FAM149A: variants seen among roughly 807,000 people sequenced by gnomAD.
The protein encoded by FAM149A is protein FAM149A.
In FAM149A, 71 loss-of-function variants were observed where a neutral mutation model predicts 78.2. That is an observed-to-expected ratio of 0.91 (90% CI 0.75 to 1.11). FAM149A has a LOEUF of 1.11. Ranked by LOEUF, FAM149A falls within the 50% of genes least tolerant of loss-of-function variation. The probability of loss-of-function intolerance (pLI) is 0.00; values close to 1 mark genes in which losing one functional copy is unlikely to be tolerated. For synonymous variants in FAM149A, 446 were observed against 410.5 expected (o/e 1.09, Z -1.04); for missense variants, 1,036 against 971.0 (o/e 1.07, Z -0.89).
intron 1 of FAM149A, among the ~76,000 whole-genome samples, chr4:186,126,297 G>T (rs1405717811): frequency 6.6e-6 from 1 of 152,060 alleles, no homozygotes; most frequent in African/African-American, 2.4e-5. Context: ...CACTCTCTCA[G>T]CTTCTCTACC....
intron 8 of FAM149A, among the ~76,000 whole-genome samples, chr4:186,162,018 T>C (rs1052926563): frequency 6.6e-6 from 1 of 152,244 alleles, no homozygotes; most frequent in Non-Finnish European, 1.5e-5. Context: ...GTCATCTAGG[T>C]AAATATTATT....
chr4:186,167,138 T>C, intron 12 of FAM149A, 42 bp downstream of exon 12: 1 of 1,602,164 alleles, frequency 6.2e-7, no homozygotes, highest in Non-Finnish European at 8.5e-7. Flanking sequence ...TGAAAAACAT[T>C]TGAAAAAAAT....
rs74923095 is a variant in FAM149A, at chr4:186,136,354, A to G, written c.567-12819A>G. ...TGTAAAAGTAAAAAAATTGGATATT[A>G]AAGAATGTCATTGGACCCATTTGTT... On this transcript the variant is annotated intron_variant, in intron 1 of 13. Coordinates refer to ENST00000389354, the MANE Select transcript of FAM149A (RefSeq NM_001367768.3). 6.6e-4 allele frequency among the ~76,000 whole-genome samples: 101 copies of G among 152,352 alleles called. 1 individual carries two copies. In the East Asian group the frequency reaches 0.016, roughly 24 times the overall value.
At chr4:186,122,128 T>C (rs183446450) in intron 1 of FAM149A, among the ~76,000 whole-genome samples, 2 of 152,316 alleles carry the variant, frequency 1.3e-5, no homozygotes, top group African/African-American at 4.8e-5. Context: ...GATAAAGATG[T>C]TATGAAGAAG....
intron 3 of FAM149A, chr4:186,151,702 C>G: frequency 1.0e-6 from 1 of 984,856 alleles, no homozygotes; most frequent in Non-Finnish European, 1.2e-6. Flanking sequence ...GTAAAAGAAT[C>G]CGAGGCTCAG....
chr4:186,151,759 G>T (rs1733603361), intron 3 of FAM149A, 144 bp from the exon 4 acceptor site: 2 of 1,435,250 alleles, frequency 1.4e-6, no homozygotes, highest in South Asian at 2.9e-5. Flanking sequence ...GCACAGGTGT[G>T]TCTGACTGCA....
chr4:186,146,037 C>A (rs1188497255), intron 1 of FAM149A, among the ~76,000 whole-genome samples: 2 of 152,078 alleles, frequency 1.3e-5, no homozygotes, highest in African/African-American at 4.8e-5. Flanking sequence ...ATTTTGTAGG[C>A]TCTGCTGTTA....
intron 1 of FAM149A, chr4:186,126,049 T>G (rs1451592497): frequency 2.0e-6 from 2 of 985,408 alleles, no homozygotes; most frequent in Non-Finnish European, 1.2e-6. Context: ...GTTTGGGTGG[T>G]GTTTCCCAGA....
Position 186,105,211 on chromosome 4 carries a change from C to T in FAM149A, c.135C>T (p.Gly45=). The change falls in exon 1 of 14, where the codon GGC becomes GGT. Residue 45 remains glycine (G), a synonymous_variant. Coordinates refer to ENST00000389354, the MANE Select transcript of FAM149A (RefSeq NM_001367768.3). ...CAGGGTCGGGGGGCTCCAGGGCGGGCACCCCGTTGGGTACCGCCCCGACCC... is the reference window on the plus strand; with the variant it reads ...CAGGGTCGGGGGGCTCCAGGGCGGGTACCCCGTTGGGTACCGCCCCGACCC... 1 of 1,269,180 alleles carries T rather than the reference C, an allele frequency of 7.9e-7. No individual in the cohort carries two copies. Among genetic ancestry groups the T allele is most frequent in the South Asian group, 1.3e-5 (1 of 79,744 alleles). The allele number at this position is 1,269,180 out of a possible 1,614,324, so 78.6% of individuals were successfully genotyped here.
rs975356725 is a variant in FAM149A, at chr4:186,105,245, G to C, written c.169G>C (p.Ala57Pro). The change falls in exon 1 of 14, where the codon GCC becomes CCC. Residue 57 changes from alanine to proline, a missense_variant. Physicochemically the swap from Ala to Pro is conservative, Grantham distance 27. This residue lies in a region of FAM149A where 316 missense variants were observed against 241.9 expected (regional missense o/e 1.31). Coordinates refer to ENST00000389354, the MANE Select transcript of FAM149A (RefSeq NM_001367768.3). ...GGGTACCGCCCCGACCCTCCTCCGC[G>C]CCCTGGCTCCGGACTCCCCCTCCGC... 1 of 1,229,954 alleles carries C rather than the reference G, an allele frequency of 8.1e-7. No individual in the cohort carries two copies. Among genetic ancestry groups the C allele is most frequent in the African/African-American group, 1.6e-5 (1 of 60,892 alleles). 76.2% of individuals were successfully genotyped at this position (1,229,954 alleles called of 1,614,324 possible). A position where few individuals can be genotyped will look rare whatever the true frequency, so the allele number is the denominator to read the frequency against.
intron 11 of FAM149A, among the ~76,000 whole-genome samples, chr4:186,166,477 C>T (rs1284221952): frequency 3.9e-5 from 6 of 151,978 alleles, no homozygotes; most frequent in Non-Finnish European, 8.8e-5. Flanking sequence ...AGTGAAACCT[C>T]ATCTCTACTA....
At chr4:186,137,439 C>T (rs568094936) in intron 1 of FAM149A, among the ~76,000 whole-genome samples, 2 of 152,246 alleles carry the variant, frequency 1.3e-5, no homozygotes, top group South Asian at 2.1e-4. Context: ...GCATGGTACG[C>T]ACTTTCTGTC....
At position 186,105,004 on chromosome 4, in the gene FAM149A, G is replaced by T. The variant is rs113726250; in HGVS notation, c.-73G>T. Reference sequence around the variant, plus strand: ...GACCTCAGGCTCCTCGCCCCGGCCCGGGCCGCCTCGGCCGGATCTCCGCGG... The same window carrying T: ...GACCTCAGGCTCCTCGCCCCGGCCCTGGCCGCCTCGGCCGGATCTCCGCGG... On this transcript the variant is annotated 5_prime_UTR_variant, in exon 1 of 14. Transcript: ENST00000389354. 14 of 1,236,588 alleles carry T rather than the reference G, an allele frequency of 1.1e-5. No individual in the cohort carries two copies. The African/African-American group carries it at 2.0e-4, about 17-fold the overall frequency. The allele number at this position is 1,236,588 out of a possible 1,614,324, so 76.6% of individuals were successfully genotyped here.
At chr4:186,119,946 A>T (rs2099315269) in intron 1 of FAM149A, among the ~76,000 whole-genome samples, 1 of 152,210 alleles carries the variant, frequency 6.6e-6, no homozygotes, top group Non-Finnish European at 1.5e-5. Context: ...TAATGCAAAA[A>T]ATTGAATCCT....
chr4:186,141,316 T>A (rs895790810), intron 1 of FAM149A, among the ~76,000 whole-genome samples: 1 of 152,196 alleles, frequency 6.6e-6, no homozygotes, highest in Non-Finnish European at 1.5e-5. Context: ...TACAAAAAAA[T>A]TAAAAATATC....
chr4:186,166,648 T>C (rs1233724894), intron 11 of FAM149A, among the ~76,000 whole-genome samples: 1 of 77,096 alleles, frequency 1.3e-5, no homozygotes, highest in African/African-American at 7.5e-5. Context: ...GAGACTCTGT[T>C]TAAAAAAAAA....
chr4:186,141,576 G>A (rs530171935), intron 1 of FAM149A, among the ~76,000 whole-genome samples: 2 of 152,270 alleles, frequency 1.3e-5, no homozygotes, highest in East Asian at 3.9e-4. Flanking sequence ...TGAGAGAAGA[G>A]ACAAATGAAT....
intron 13 of FAM149A, chr4:186,170,040 C>G: frequency 1.5e-6 from 1 of 653,286 alleles, no homozygotes; most frequent in Non-Finnish European, 1.9e-6. Flanking sequence ...AGGGTATGTC[C>G]AGGCCCCCTC....
chr4:186,143,676 C>T (rs183112399), intron 1 of FAM149A, among the ~76,000 whole-genome samples: 2 of 152,102 alleles, frequency 1.3e-5, no homozygotes, highest in East Asian at 3.9e-4. Context: ...ATTACAGGCA[C>T]GCACCACCAC....
Sources: allele counts gnomAD v4.1 joint callset (sites outside exome capture counted in the v4.1 genomes callset), GRCh38; gene constraint gnomAD v4.1.1; regional missense constraint gnomAD v4.1.1; transcripts MANE v1.5; gene names NCBI Gene and HGNC (gene_info 2026-07-23, HGNC 2026-07-21).